NMUR1: variants seen among roughly 807,000 people sequenced by gnomAD.
NMUR1 encodes neuromedin-U receptor 1.
NMUR1 carries 16 observed loss-of-function variants against 18.8 expected under a neutral mutation model. The ratio of observed to expected loss-of-function variants is 0.85; its 90% CI spans 0.58 to 1.29. NMUR1 has a LOEUF of 1.29. NMUR1 is among the 50% of genes most tolerant of loss of function. The pLI is 0.00. For missense variants in NMUR1, 529 were observed against 580.3 expected (o/e 0.91, Z 0.91); for synonymous variants, 258 against 258.2 (o/e 1.00, Z 0.01).
rs2047330828 is a variant in NMUR1 at position 231,524,152 on chromosome 2, G to A, written c.*891C>T. 1 of 152,234 alleles carries A rather than the reference G, an allele frequency of 6.6e-6. No individual in the cohort carries two copies. The highest frequency in any genetic ancestry group is 1.5e-5 in the Non-Finnish European group (1 of 68,056). The allele number at this position is 152,234 out of a possible 1,614,324, so 9.4% of individuals were successfully genotyped here. A position where few individuals can be genotyped will look rare whatever the true frequency, so the allele number is the denominator to read the frequency against. ...TATTGTTGGTTTTATTATAAGCAGTGGCTTACACACACACAGAAAGAAAAC... is the reference window on the plus strand; with the variant it reads ...TATTGTTGGTTTTATTATAAGCAGTAGCTTACACACACACAGAAAGAAAAC... On this transcript the variant is annotated 3_prime_UTR_variant, in exon 3 of 3. Coordinates refer to ENST00000305141, the MANE Select transcript of NMUR1 (RefSeq NM_006056.5).
In NMUR1 at chr2:231,528,690, GCAGCA is replaced by G. The variant is rs1575289551; in HGVS notation, c.326_330del (p.Val109AlafsTer10). ...TAGAGCTCCAGGGGCAGGCCCACCAGCAGCACCAGCAGGTCCGACACGGCCAGGCT... is the reference window on the plus strand; with the variant it reads ...TAGAGCTCCAGGGGCAGGCCCACCAGCCAGCAGGTCCGACACGGCCAGGCT... On this transcript the variant is annotated frameshift_variant, in exon 2 of 3. Coordinates refer to ENST00000305141, the MANE Select transcript of NMUR1 (RefSeq NM_006056.5). LOFTEE classifies it high-confidence loss of function. The G allele has an allele frequency of 4.3e-6, 7 of 1,614,264 alleles. No homozygotes were observed. Among genetic ancestry groups the G allele is most frequent in the Non-Finnish European group, 5.9e-6 (7 of 1,180,044 alleles).
intron 1 of NMUR1, 77 bp from the exon 2 acceptor site, chr2:231,529,094 G>A: frequency 7.3e-7 from 1 of 1,371,480 alleles, no homozygotes; most frequent in South Asian, 1.4e-5. Flanking sequence ...TCAAGCCAAA[G>A]GTGACATTAG....
In NMUR1 at chr2:231,528,152, C is replaced by T. The variant is rs748947939; in HGVS notation, c.869G>A (p.Arg290Gln). 3.2e-6 allele frequency: 5 copies of T among 1,562,212 alleles called. No homozygotes were observed. The highest frequency in any genetic ancestry group is 2.3e-5 in the East Asian group (1 of 44,342). Residue 290 changes from arginine to glutamine, a missense_variant, in exon 2 of 3, where the codon CGG becomes CAG. Physicochemically the swap from Arg to Gln is conservative, Grantham distance 43. Coordinates refer to ENST00000305141, the MANE Select transcript of NMUR1 (RefSeq NM_006056.5). ...CATCTTGGTCACTTGTCTCCGGCCC[C>T]GATCGTGCTGCTGGAGCCTGCAGGT... is the stretch of plus-strand genomic sequence containing the variant. ...RYTCRLQQHDRGRRQVTKMLF... is the reference protein window; with the variant it reads ...RYTCRLQQHDQGRRQVTKMLF...
downstream of NMUR1, among the ~76,000 whole-genome samples, chr2:231,521,146 T>C (rs1025128198): frequency 6.6e-5 from 10 of 152,112 alleles, no homozygotes; most frequent in African/African-American, 2.2e-4. Context: ...AGGCCAACGG[T>C]GGGCAGATTG....
rs763514103 is a variant in NMUR1, at chr2:231,528,500, G to A, written c.521C>T (p.Thr174Met). The change falls in exon 2 of 3, where the codon ACG becomes ATG. Residue 174 changes from threonine (T) to methionine (M), a missense_variant. Coordinates refer to ENST00000305141, the MANE Select transcript of NMUR1 (RefSeq NM_006056.5). ...VHPLQARSMV[T>M]RAHVRRVLGA... Reference sequence around the variant, plus strand: ...AAGCACTCGGCGCACATGGGCCCGCGTCACCATGGACCTGGCCTGGAGTGG... The same window carrying A: ...AAGCACTCGGCGCACATGGGCCCGCATCACCATGGACCTGGCCTGGAGTGG... 19 of 1,613,632 alleles carry A rather than the reference G, an allele frequency of 1.2e-5. No homozygotes were observed. Among genetic ancestry groups the A allele is most frequent in the South Asian group, 7.7e-5 (7 of 91,082 alleles).
intron 2 of NMUR1, among the ~76,000 whole-genome samples, chr2:231,526,172 C>T (rs2047354966): frequency 1.3e-5 from 2 of 152,160 alleles, no homozygotes; most frequent in African/African-American, 4.8e-5. Flanking sequence ...CTTGTTCTTA[C>T]CCAACTATGC....
At position 231,523,557 on chromosome 2, in the gene NMUR1, T is replaced by TACC. The variant is rs2047324460; in HGVS notation, c.*1483_*1485dup. ...TTAAAACTAAACATCTGCAACCCTG[T>TACC]ACCACGTCCTCCACTTTCTCGGCAG... is the stretch of plus-strand genomic sequence containing the variant. On this transcript the variant is annotated 3_prime_UTR_variant, in exon 3 of 3. Transcript: ENST00000305141. The TACC allele has an allele frequency of 5.0e-6, 1 of 198,498 alleles. No individual in the cohort carries two copies. The allele number at this position is 198,498 out of a possible 1,614,324, so 12.3% of individuals were successfully genotyped here.
In NMUR1 at chr2:231,528,558, G is replaced by C; in HGVS notation, c.463C>G (p.Leu155Val). ...ACGGCCACATAGCGTTCCACGCTCA[G>C]GGCAGTGACGTTGAGCACTGAGGCC... ...CLASVLNVTA[L>V]SVERYVAVVH... Residue 155 changes from leucine to valine, a missense_variant, in exon 2 of 3, where the codon CTG (leucine) becomes GTG (valine). Transcript: ENST00000305141. 1.9e-6 allele frequency: 3 copies of C among 1,614,070 alleles called. No individual in the cohort carries two copies. Among genetic ancestry groups the C allele is most frequent in the Non-Finnish European group, 2.5e-6 (3 of 1,180,048 alleles).
At chr2:231,521,202 G>A (rs560616501), downstream of NMUR1, among the ~76,000 whole-genome samples, 3 of 152,236 alleles carry the variant, frequency 2.0e-5, no homozygotes, top group South Asian at 4.2e-4. Context: ...ATGGCGAGAC[G>A]GTGCCTCTAC....
At chr2:231,529,408 G>A (rs1262580220) in intron 1 of NMUR1, among the ~76,000 whole-genome samples, 5 of 151,974 alleles carry the variant, frequency 3.3e-5, no homozygotes, top group South Asian at 4.1e-4. Flanking sequence ...TGCAGTGAGC[G>A]GAGATTGTGC....
chr2:231,524,985 C>T lies in NMUR1; in HGVS notation c.*58G>A. 1 of 1,504,302 alleles carries T rather than the reference C, an allele frequency of 6.6e-7. No individual in the cohort carries two copies. The highest frequency in any genetic ancestry group is 1.3e-5 in the South Asian group (1 of 75,256). 93.2% of individuals were successfully genotyped at this position (1,504,302 alleles called of 1,614,324 possible). ...TCCCTGCAGAGGAAGGCAGATGTGT[C>T]TCCCCAGCTCCAGGTGACCCTCTGG... is the stretch of plus-strand genomic sequence containing the variant. On this transcript the variant is annotated 3_prime_UTR_variant, in exon 3 of 3. Transcript: ENST00000305141.
At chr2:231,521,287 T>C (rs112735550), downstream of NMUR1, among the ~76,000 whole-genome samples, 415 of 152,242 alleles carry the variant, frequency 2.7e-3, 3 homozygotes, top group African/African-American at 9.4e-3. Context: ...GGTGGGAGGA[T>C]TGCTTGAGGC....
chr2:231,520,764 T>G (rs1396712995), downstream of NMUR1, among the ~76,000 whole-genome samples: 1 of 152,234 alleles, frequency 6.6e-6, no homozygotes, highest in Non-Finnish European at 1.5e-5. Flanking sequence ...AGGAATGATC[T>G]GGAAATGCCA....
chr2:231,525,972 A>G (rs1188876814), intron 2 of NMUR1, among the ~76,000 whole-genome samples: 1 of 145,848 alleles, frequency 6.9e-6, no homozygotes, highest in Non-Finnish European at 1.5e-5. Context: ...ACACATGCAC[A>G]CACACACACA....
In NMUR1 at chr2:231,525,003, C is replaced by A. The variant is rs1388306578; in HGVS notation, c.*40G>T. On this transcript the variant is annotated 3_prime_UTR_variant, in exon 3 of 3. Coordinates refer to ENST00000305141, the MANE Select transcript of NMUR1 (RefSeq NM_006056.5). ...GATGTGTCTCCCCAGCTCCAGGTGA[C>A]CCTCTGGCCCCTCCAGGTGAAGCCA... The A allele has an allele frequency of 2.6e-6, 4 of 1,513,340 alleles. No individual in the cohort carries two copies. Among genetic ancestry groups the A allele is most frequent in the Non-Finnish European group, 3.5e-6 (4 of 1,136,938 alleles). 93.7% of individuals were successfully genotyped at this position (1,513,340 alleles called of 1,614,324 possible).
chr2:231,528,378 C>G lies in NMUR1; in HGVS notation c.643G>C (p.Asp215His), dbSNP rs770729248. The G allele has an allele frequency of 1.9e-6, 3 of 1,613,770 alleles. No homozygotes were observed. Among genetic ancestry groups the G allele is most frequent in the Non-Finnish European group, 2.5e-6 (3 of 1,179,968 alleles). ...CGGACCAGCATGCAAACAGCTGAGT[C>G]TGGCACTGGGCCCCGGCAGGGCACG... ...LHVPCRGPVPDSAVCMLVRPR... is the reference protein window; with the variant it reads ...LHVPCRGPVPHSAVCMLVRPR... The change falls in exon 2 of 3, where the codon GAC (aspartate) becomes CAC (histidine). Residue 215 changes from aspartate (D) to histidine (H), a missense_variant. Coordinates refer to ENST00000305141, the MANE Select transcript of NMUR1 (RefSeq NM_006056.5).
At chr2:231,527,553 G>A (rs2047368219) in intron 2 of NMUR1, among the ~76,000 whole-genome samples, 4 of 151,770 alleles carry the variant, frequency 2.6e-5, no homozygotes, top group Admixed American at 2.6e-4. Flanking sequence ...GAGTGAGGTA[G>A]GAGGATCGCT....
In NMUR1 at chr2:231,525,144, T is replaced by G; in HGVS notation, c.1180A>C (p.Thr394Pro). ...CCCACATCACACAGGGTGCTGCCTG[T>G]GGTCATCCTGCTGAGGCTGTGGGAG... is the stretch of plus-strand genomic sequence containing the variant. Reference protein sequence around the residue: ...HSSHSLSRMTTGSTLCDVGSL... With the variant: ...HSSHSLSRMTPGSTLCDVGSL... Residue 394 changes from threonine to proline, a missense_variant, in exon 3 of 3, where the codon ACA becomes CCA. Transcript: ENST00000305141. The G allele has an allele frequency of 1.9e-6, 3 of 1,614,056 alleles. No homozygotes were observed. The highest frequency in any genetic ancestry group is 2.5e-6 in the Non-Finnish European group (3 of 1,179,982).
At position 231,525,003 on chromosome 2, in the gene NMUR1, C is replaced by T; in HGVS notation, c.*40G>A. The T allele has an allele frequency of 6.6e-7, 1 of 1,513,340 alleles. No individual in the cohort carries two copies. Among genetic ancestry groups the T allele is most frequent in the Non-Finnish European group, 8.8e-7 (1 of 1,136,938 alleles). The allele number at this position is 1,513,340 out of a possible 1,614,324, so 93.7% of individuals were successfully genotyped here. A position where few individuals can be genotyped will look rare whatever the true frequency, so the allele number is the denominator to read the frequency against. ...GATGTGTCTCCCCAGCTCCAGGTGA[C>T]CCTCTGGCCCCTCCAGGTGAAGCCA... On this transcript the variant is annotated 3_prime_UTR_variant, in exon 3 of 3. Coordinates refer to ENST00000305141, the MANE Select transcript of NMUR1 (RefSeq NM_006056.5).
Sources: allele counts gnomAD v4.1 joint callset (sites outside exome capture counted in the v4.1 genomes callset), GRCh38; gene constraint gnomAD v4.1.1; transcripts MANE v1.5; gene names NCBI Gene and HGNC (gene_info 2026-07-23, HGNC 2026-07-21).